Variants in ZNF148 observed in about 807,000 individuals in gnomAD.
The protein encoded by ZNF148 is zinc finger protein 148.
ZNF148 carries 7 observed loss-of-function variants against 67.7 expected under a neutral mutation model. The observed-to-expected ratio is 0.10, with a 90% confidence interval of 0.06 to 0.19. ZNF148 has a LOEUF of 0.19. Ranked by LOEUF, ZNF148 falls within the 10% of genes least tolerant of loss-of-function variation. ZNF148 has a pLI of 1.00. For missense variants in ZNF148, 583 were observed against 947.1 expected (o/e 0.62, Z 5.05); for synonymous variants, 333 against 330.7 (o/e 1.01, Z -0.08).
At chr3:125,325,550 C>G (rs6783614) in intron 2 of ZNF148, among the ~76,000 whole-genome samples, 5,243 of 152,218 alleles carry the variant, frequency 0.034, 293 homozygotes, top group African/African-American at 0.12. Flanking sequence ...AGTGCAACCT[C>G]TGCCTCCCCG....
chr3:125,235,643 A>G (rs556992310), intron 7 of ZNF148, among the ~76,000 whole-genome samples: 20 of 152,154 alleles, frequency 1.3e-4, no homozygotes, highest in African/African-American at 4.8e-4. Flanking sequence ...TTAAATTTCA[A>G]ATTACTGAGT....
chr3:125,313,923 G>A (rs1183664565), intron 3 of ZNF148, among the ~76,000 whole-genome samples: 1 of 151,848 alleles, frequency 6.6e-6, no homozygotes, highest in Admixed American at 6.6e-5. Flanking sequence ...ACAAATTAGG[G>A]AAAAGTATTT....
chr3:125,357,311 C>T (rs887810525), intron 1 of ZNF148: 2 of 87,988 alleles, frequency 2.3e-5, no homozygotes, highest in African/African-American at 1.1e-4. Context: ...CGCACGCGCA[C>T]AGACACACGC....
In ZNF148 at chr3:125,289,226, T is replaced by C. The variant is rs1938873387; in HGVS notation, c.334-998A>G. Among the ~76,000 whole-genome samples the C allele has an allele frequency of 2.0e-5, 3 of 152,264 alleles. No homozygotes were observed. The South Asian group carries it at 6.2e-4, about 32-fold the overall frequency. ...TTTTCAAGAAACACACTAAAAAGCATGGTGCAAAAGATGATGAACATCTTA... is the reference window on the plus strand; with the variant it reads ...TTTTCAAGAAACACACTAAAAAGCACGGTGCAAAAGATGATGAACATCTTA... On this transcript the variant is annotated intron_variant, in intron 4 of 8. Coordinates refer to ENST00000360647, the MANE Select transcript of ZNF148 (RefSeq NM_021964.3).
intron 1 of ZNF148, among the ~76,000 whole-genome samples, chr3:125,343,887 G>A (rs1227143586): frequency 2.6e-5 from 4 of 151,994 alleles, no homozygotes; most frequent in East Asian, 1.9e-4. Context: ...AACCAACTCC[G>A]GACACACCAA....
intron 7 of ZNF148, among the ~76,000 whole-genome samples, chr3:125,270,961 T>C (rs1937699959): frequency 1.3e-5 from 2 of 152,218 alleles, no homozygotes; most frequent in Admixed American, 1.3e-4. Context: ...AGCTTAACTA[T>C]GTTGTTCCAT....
chr3:125,317,284 T>C (rs1269079848), intron 3 of ZNF148, among the ~76,000 whole-genome samples: 1 of 152,142 alleles, frequency 6.6e-6, no homozygotes, highest in Admixed American at 6.5e-5. Flanking sequence ...CACAAGGTTT[T>C]AAATAAGACA....
intron 5 of ZNF148, among the ~76,000 whole-genome samples, chr3:125,283,522 A>G (rs1269232555): frequency 1.3e-5 from 2 of 152,148 alleles, no homozygotes; most frequent in African/African-American, 4.8e-5. Context: ...GTTAGGGTTC[A>G]GTTCTATGGA....
At chr3:125,244,363 T>A (rs1018457025) in intron 7 of ZNF148, among the ~76,000 whole-genome samples, 1 of 152,192 alleles carries the variant, frequency 6.6e-6, no homozygotes, top group African/African-American at 2.4e-5. Context: ...ACTAATCTGA[T>A]TTTTGGCAAC....
intron 1 of ZNF148, among the ~76,000 whole-genome samples, chr3:125,333,478 T>C (rs1301717085): frequency 6.6e-6 from 1 of 152,204 alleles, no homozygotes; most frequent in East Asian, 1.9e-4. Flanking sequence ...CATCTACTAA[T>C]TTCATTTCTT....
At chr3:125,315,966 A>AT (rs1277923829) in intron 3 of ZNF148, among the ~76,000 whole-genome samples, 1 of 151,920 alleles carries the variant, frequency 6.6e-6, no homozygotes, top group Non-Finnish European at 1.5e-5. Flanking sequence ...CATTTTTTCT[A>AT]TTTTTTTGTG....
Position 125,313,542 on chromosome 3 carries a change from A to G in ZNF148, c.99T>C (p.Ser33=). The change falls in exon 4 of 9, where the codon TCT becomes TCC. Residue 33 remains serine, a synonymous_variant. Coordinates refer to ENST00000360647, the MANE Select transcript of ZNF148 (RefSeq NM_021964.3). ...GCTCTCCAGACACAGTAGACTGGCC[A>G]GACACTCCACCCATTACAACCATTG... ...SRTMVVMGGV[S]GQSTVSGELQ... 6.2e-7 allele frequency: 1 copy of G among 1,614,224 alleles called. No individual in the cohort carries two copies.
intron 7 of ZNF148, among the ~76,000 whole-genome samples, chr3:125,267,256 C>CG (rs1444648193): frequency 2.7e-5 from 4 of 149,416 alleles, no homozygotes; most frequent in Non-Finnish European, 4.5e-5. Flanking sequence ...AAAGACACAA[C>CG]GGGGAAAAAA....
intron 3 of ZNF148, among the ~76,000 whole-genome samples, chr3:125,319,988 C>A (rs749866531): frequency 1.3e-5 from 2 of 152,170 alleles, no homozygotes; most frequent in African/African-American, 4.8e-5. Context: ...GCTGACTACT[C>A]CACCTCATGG....
intron 1 of ZNF148, among the ~76,000 whole-genome samples, chr3:125,352,605 GA>G (rs1181567162): frequency 6.6e-6 from 1 of 151,104 alleles, no homozygotes; most frequent in East Asian, 1.9e-4. Flanking sequence ...AAATAACATG[GA>G]AGATCTAAGT....
chr3:125,306,916 A>G (rs1939908244), intron 4 of ZNF148, among the ~76,000 whole-genome samples: 1 of 152,200 alleles, frequency 6.6e-6, no homozygotes, highest in Non-Finnish European at 1.5e-5. Flanking sequence ...ACTCTAGATT[A>G]GCTTTACTGG....
chr3:125,269,374 A>T (rs2107589904), intron 7 of ZNF148, among the ~76,000 whole-genome samples: 1 of 151,186 alleles, frequency 6.6e-6, no homozygotes, highest in South Asian at 2.1e-4. Context: ...TAGCAACATC[A>T]TCTTTAAAAA....
intron 7 of ZNF148, among the ~76,000 whole-genome samples, chr3:125,265,700 G>C (rs1413541294): frequency 2.6e-5 from 4 of 152,202 alleles, no homozygotes; most frequent in Non-Finnish European, 2.9e-5. Context: ...TTAAGGTGAA[G>C]AGAGATGAAG....
At chr3:125,319,309 A>G (rs1335828324) in intron 3 of ZNF148, among the ~76,000 whole-genome samples, 3 of 152,242 alleles carry the variant, frequency 2.0e-5, no homozygotes, top group Non-Finnish European at 4.4e-5. Context: ...GGGGCTTTTA[A>G]TAAGGAATTA....
Sources: allele counts gnomAD v4.1 joint callset (sites outside exome capture counted in the v4.1 genomes callset), GRCh38; gene constraint gnomAD v4.1.1; transcripts MANE v1.5; gene names NCBI Gene and HGNC (gene_info 2026-07-23, HGNC 2026-07-21).